Variants in MARK3 observed in about 807,000 individuals in gnomAD.
The protein encoded by MARK3 is MAP/microtubule affinity-regulating kinase 3.
In MARK3, 46 loss-of-function variants were observed where a neutral mutation model predicts 90.1. The ratio of observed to expected loss-of-function variants is 0.51; its 90% CI spans 0.40 to 0.65. The LOEUF (loss-of-function observed/expected upper bound fraction) is 0.65. Among genes scored for constraint, MARK3 ranks in the 30% least tolerant of loss-of-function variants. The pLI is 0.00. For synonymous variants in MARK3, 321 were observed against 332.6 expected (o/e 0.97, Z 0.38); for missense variants, 818 against 947.2 (o/e 0.86, Z 1.79).
At chr14:103,436,215 T>C (rs1308386070) in intron 3 of MARK3, among the ~76,000 whole-genome samples, 1 of 152,134 alleles carries the variant, frequency 6.6e-6, no homozygotes, top group Admixed American at 6.5e-5. Flanking sequence ...AGATGACCCC[T>C]TCCCCAAATA....
intron 1 of MARK3, among the ~76,000 whole-genome samples, chr14:103,391,434 T>A (rs1334217981): frequency 6.6e-6 from 1 of 152,226 alleles, no homozygotes; most frequent in Non-Finnish European, 1.5e-5. Context: ...ATTTTCTTAA[T>A]ATCAAATATG....
chr14:103,412,173 A>C, intron 2 of MARK3: 1 of 1,401,724 alleles, frequency 7.1e-7, no homozygotes, highest in Admixed American at 1.9e-5. Flanking sequence ...AGGCCCGGAC[A>C]TTCTGCCAGT....
At chr14:103,479,051 C>T (rs1368962150) in intron 13 of MARK3, among the ~76,000 whole-genome samples, 1 of 152,146 alleles carries the variant, frequency 6.6e-6, no homozygotes, top group Non-Finnish European at 1.5e-5. Context: ...GAGACGGTCT[C>T]ACTCTGTCAC....
intron 13 of MARK3, among the ~76,000 whole-genome samples, chr14:103,477,159 G>GT (rs1237750162): frequency 6.6e-6 from 1 of 152,196 alleles, no homozygotes. Context: ...TGTAGTAAAA[G>GT]TGACTGCTCT....
intron 2 of MARK3, chr14:103,412,378 T>C (rs2091694094): frequency 1.6e-6 from 1 of 626,318 alleles, no homozygotes; most frequent in Admixed American, 2.3e-5. Flanking sequence ...GGAACTTTAC[T>C]GCCTTTGTTA....
intron 12 of MARK3, among the ~76,000 whole-genome samples, chr14:103,473,757 C>G (rs949882748): frequency 2.0e-5 from 3 of 152,138 alleles, no homozygotes; most frequent in Non-Finnish European, 4.4e-5. Context: ...CAGGTTCTCA[C>G]TCTGTCACCC....
intron 12 of MARK3, among the ~76,000 whole-genome samples, chr14:103,473,873 A>AT (rs1223555932): frequency 2.0e-5 from 3 of 151,946 alleles, no homozygotes; most frequent in African/African-American, 7.3e-5. Flanking sequence ...CCCACCTTTA[A>AT]TATATCTAAA....
chr14:103,424,778 C>G (rs1410760720), intron 2 of MARK3, among the ~76,000 whole-genome samples: 1 of 151,978 alleles, frequency 6.6e-6, no homozygotes, highest in Non-Finnish European at 1.5e-5. Flanking sequence ...TCTAGGTATA[C>G]CATGTAAAAT....
intron 12 of MARK3, among the ~76,000 whole-genome samples, chr14:103,474,040 A>C (rs1385455123): frequency 7.6e-6 from 1 of 132,114 alleles, no homozygotes; most frequent in African/African-American, 2.8e-5. Context: ...ACTAAAAAAA[A>C]AAAAATATAT....
chr14:103,470,455 A>ATTTTTTTCTTTTTTTTTTTT (rs2093604869), intron 12 of MARK3, among the ~76,000 whole-genome samples: 1 of 55,050 alleles, frequency 1.8e-5, no homozygotes, highest in Non-Finnish European at 3.4e-5. Flanking sequence ...AACTAAATCT[A>ATTTTTTTCTTTTTTTTTTTT]TTTTTTTTTT....
chr14:103,411,490 A>AT (rs1199900008), intron 2 of MARK3, among the ~76,000 whole-genome samples: 1 of 152,112 alleles, frequency 6.6e-6, no homozygotes, highest in Non-Finnish European at 1.5e-5. Flanking sequence ...CACATAATAA[A>AT]TTCTCATATG....
At chr14:103,415,851 A>G (rs1247066417) in intron 2 of MARK3, among the ~76,000 whole-genome samples, 1 of 152,194 alleles carries the variant, frequency 6.6e-6, no homozygotes, top group East Asian at 1.9e-4. Flanking sequence ...CCTCAGCATT[A>G]TTACTCAAAG....
chr14:103,498,298 G>A (rs1486026126), intron 15 of MARK3, among the ~76,000 whole-genome samples: 1 of 149,530 alleles, frequency 6.7e-6, no homozygotes, highest in East Asian at 2.0e-4. Context: ...ACTTTTTTTT[G>A]ATATATTAAA....
intron 1 of MARK3, among the ~76,000 whole-genome samples, chr14:103,396,137 A>G (rs559397237): frequency 1.8e-4 from 25 of 142,594 alleles, no homozygotes; most frequent in Non-Finnish European, 2.9e-4. Context: ...TTTCTAAAGA[A>G]CCTCCAGTTT....
chr14:103,477,999 T>A (rs1259152906), intron 13 of MARK3, among the ~76,000 whole-genome samples: 3 of 141,462 alleles, frequency 2.1e-5, no homozygotes. Flanking sequence ...ACCCTGTCCT[T>A]AAAAAAAAAA....
chr14:103,469,688 G>A (rs1479191657), intron 12 of MARK3, among the ~76,000 whole-genome samples: 1 of 151,332 alleles, frequency 6.6e-6, no homozygotes, highest in Non-Finnish European at 1.5e-5. Flanking sequence ...CCTGACCTCA[G>A]GTGATCCACC....
At chr14:103,422,384 G>T (rs1463238397) in intron 2 of MARK3, among the ~76,000 whole-genome samples, 1 of 152,216 alleles carries the variant, frequency 6.6e-6, no homozygotes, top group East Asian at 1.9e-4. Context: ...GAACCCAGGA[G>T]GTGGAGGTTG....
Position 103,502,906 on chromosome 14 carries a change from AG to A in MARK3, c.1942del (p.Asp648MetfsTer17). 1.2e-6 allele frequency: 2 copies of A among 1,611,882 alleles called. No homozygotes were observed. Among genetic ancestry groups the A allele is most frequent in the Non-Finnish European group, 1.7e-6 (2 of 1,178,144 alleles). On this transcript the variant is annotated frameshift_variant, in exon 18 of 18. Transcript: ENST00000429436. LOFTEE classifies it high-confidence loss of function. Reference sequence around the variant, plus strand: ...GTCGCAATGTATCTGCTGAGCAAAAAGATGAAAACAAAGAAGCAAAGCCTCG... The same window carrying A: ...GTCGCAATGTATCTGCTGAGCAAAAAATGAAAACAAAGAAGCAAAGCCTCG... ...SSRNVSAEQK[D>X]ENKEAKPRSL...
At chr14:103,475,247 G>T (rs749691387) in intron 13 of MARK3, 37 bp downstream of exon 13, 2 of 1,586,454 alleles carry the variant, frequency 1.3e-6, no homozygotes, top group East Asian at 2.2e-5. Flanking sequence ...TCTTAGGGTG[G>T]TAGGGTTGGA....
Sources: allele counts gnomAD v4.1 joint callset (sites outside exome capture counted in the v4.1 genomes callset), GRCh38; gene constraint gnomAD v4.1.1; transcripts MANE v1.5; gene names NCBI Gene and HGNC (gene_info 2026-07-23, HGNC 2026-07-21).